Variants in CLPB observed in about 807,000 individuals in gnomAD.
CLPB encodes the protein ClpB family mitochondrial disaggregase.
In CLPB, 40 loss-of-function variants were observed where a neutral mutation model predicts 78.4. The observed-to-expected ratio is 0.51, with a 90% CI of 0.40 to 0.66. The LOEUF is 0.66. Among genes scored for constraint, CLPB ranks in the 30% least tolerant of loss-of-function variants. CLPB has a pLI of 0.00. For missense variants in CLPB, 780 were observed against 886.9 expected (o/e 0.88, Z 1.53); for synonymous variants, 333 against 348.0 (o/e 0.96, Z 0.48).
At position 72,286,233 on chromosome 11, in the gene CLPB, T is replaced by TTTTTTTTTTTTTTG. The variant is rs1949388956; in HGVS notation, c.*7133_*7134insCAAAAAAAAAAAAA. The TTTTTTTTTTTTTTG allele has an allele frequency of 1.5e-5, 2 of 135,216 alleles. No homozygotes were observed. Among genetic ancestry groups the TTTTTTTTTTTTTTG allele is most frequent in the African/African-American group, 2.9e-5 (1 of 34,888 alleles). 8.4% of individuals were successfully genotyped at this position (135,216 alleles called of 1,614,324 possible). On this transcript the variant is annotated 3_prime_UTR_variant, in exon 16 of 16. Coordinates refer to ENST00000538039, the MANE Select transcript of CLPB (RefSeq NM_001258392.3). The stretch of plus-strand genomic sequence containing the variant: ...TGAGATACTGCACCTGTTTTTTTTT[T>TTTTTTTTTTTTTTG]TTTTTTTTTTTTTAAGAGATAGGGT...
intron 8 of CLPB, 62 bp downstream of exon 8, chr11:72,308,465 C>CA (rs1949783749): frequency 8.7e-6 from 13 of 1,486,230 alleles, no homozygotes; most frequent in Non-Finnish European, 1.2e-5. Flanking sequence ...CTGGGGCTGT[C>CA]AGACTTGGGC....
intron 5 of CLPB, among the ~76,000 whole-genome samples, chr11:72,341,634 C>G (rs1366386612): frequency 6.6e-6 from 1 of 152,176 alleles, no homozygotes; most frequent in East Asian, 1.9e-4. Context: ...AAAAACTATG[C>G]TAGGTAGTGA....
chr11:72,385,987 G>A (rs1196307936), intron 3 of CLPB, among the ~76,000 whole-genome samples: 1 of 152,070 alleles, frequency 6.6e-6, no homozygotes, highest in Non-Finnish European at 1.5e-5. Context: ...AAATTCATAT[G>A]AGATAAAATT....
chr11:72,293,167 A>G lies in CLPB; in HGVS notation c.*200T>C, dbSNP rs1949480447. The G allele has an allele frequency of 1.6e-6, 1 of 624,744 alleles. No homozygotes were observed. The highest frequency in any genetic ancestry group is 1.8e-5 in the African/African-American group (1 of 54,388). The allele number at this position is 624,744 out of a possible 1,614,324, so 38.7% of individuals were successfully genotyped here. ...CTTGTTAGCAGGTTATGGGCCCACA[A>G]CAAAGGGGCCAGAGTAGGGCGAAAT... is the stretch of plus-strand genomic sequence containing the variant. On this transcript the variant is annotated 3_prime_UTR_variant, in exon 16 of 16. Coordinates refer to ENST00000538039, the MANE Select transcript of CLPB (RefSeq NM_001258392.3).
intron 3 of CLPB, among the ~76,000 whole-genome samples, chr11:72,395,419 A>T (rs531296241): frequency 6.6e-6 from 1 of 152,296 alleles, no homozygotes; most frequent in East Asian, 1.9e-4. Flanking sequence ...TGGGGTTCAG[A>T]AAGACCCAGC....
intron 6 of CLPB, among the ~76,000 whole-genome samples, chr11:72,327,977 G>A (rs1340220216): frequency 6.6e-6 from 1 of 152,080 alleles, no homozygotes; most frequent in African/African-American, 2.4e-5. Context: ...AAAATACCAG[G>A]GAGGCAAACT....
intron 5 of CLPB, among the ~76,000 whole-genome samples, chr11:72,347,383 G>A (rs930623308): frequency 3.9e-5 from 6 of 152,126 alleles, no homozygotes; most frequent in Admixed American, 3.3e-4. Flanking sequence ...CTTGAGCCCA[G>A]GAATTAGAGA....
At chr11:72,321,499 C>T (rs1181236752) in intron 6 of CLPB, among the ~76,000 whole-genome samples, 4 of 152,180 alleles carry the variant, frequency 2.6e-5, no homozygotes, top group Non-Finnish European at 2.9e-5. Context: ...AGTGCATTTA[C>T]AGGAAAGGGC....
chr11:72,308,260 C>T (rs1590773067), intron 8 of CLPB, among the ~76,000 whole-genome samples: 1 of 152,200 alleles, frequency 6.6e-6, no homozygotes. Flanking sequence ...GGTTAATGGG[C>T]CCTGAAGGGC....
chr11:72,319,560 CTCAACT>C (rs1415012198), intron 6 of CLPB, among the ~76,000 whole-genome samples: 1 of 152,220 alleles, frequency 6.6e-6, no homozygotes, highest in Non-Finnish European at 1.5e-5. Context: ...GAGTTCACCC[CTCAACT>C]TCATCTACTT....
At chr11:72,429,958 TG>T (rs1856497829) in intron 2 of CLPB, among the ~76,000 whole-genome samples, 1 of 152,178 alleles carries the variant, frequency 6.6e-6, no homozygotes, top group Non-Finnish European at 1.5e-5. Context: ...ACCTGCAACC[TG>T]TCCAGGCAGC....
chr11:72,297,793 T>C (rs1431982169), intron 11 of CLPB, among the ~76,000 whole-genome samples: 2 of 151,990 alleles, frequency 1.3e-5, no homozygotes, highest in Non-Finnish European at 2.9e-5. Flanking sequence ...CACACTGCTA[T>C]ACTGGCCAGA....
intron 2 of CLPB, among the ~76,000 whole-genome samples, chr11:72,427,041 A>C (rs772519580): frequency 6.6e-6 from 1 of 152,272 alleles, no homozygotes. Context: ...AGGCTCTGTA[A>C]GGAAAGCAGC....
intron 1 of CLPB, among the ~76,000 whole-genome samples, chr11:72,432,567 T>C (rs1856577352): frequency 1.3e-5 from 2 of 152,200 alleles, no homozygotes; most frequent in South Asian, 4.1e-4. Context: ...ACTGATTTTG[T>C]GTTAAGTTAG....
intron 3 of CLPB, among the ~76,000 whole-genome samples, chr11:72,396,656 C>G (rs1323063637): frequency 6.6e-6 from 1 of 152,188 alleles, no homozygotes; most frequent in Non-Finnish European, 1.5e-5. Context: ...GTGAATTTAT[C>G]ACTATTCATC....
intron 5 of CLPB, among the ~76,000 whole-genome samples, chr11:72,349,916 A>T (rs1950583553): frequency 6.6e-6 from 1 of 152,252 alleles, no homozygotes; most frequent in Admixed American, 6.5e-5. Context: ...TCCAGCTGCC[A>T]CTACTGGCGG....
Position 72,294,091 on chromosome 11 carries a change from G to A in CLPB, c.1716C>T (p.Asp572=), listed in dbSNP as rs1238364472. 2 of 1,614,176 alleles carry A rather than the reference G, an allele frequency of 1.2e-6. No homozygotes were observed. Among genetic ancestry groups the A allele is most frequent in the East Asian group, 4.5e-5 (2 of 44,866 alleles). ...CGACCAGCACATCTGCCACCTCGCG[G>A]TCCCAGAGCAGCGTGATGTTGTGCC... ...KQRHNITLLW[D]REVADVLVDG... is the part of the protein sequence containing the mutation. Residue 572 remains aspartate (D), a synonymous_variant, in exon 15 of 16, where the codon GAC becomes GAT. Coordinates refer to ENST00000538039, the MANE Select transcript of CLPB (RefSeq NM_001258392.3).
At chr11:72,427,028 A>G (rs756851175) in intron 2 of CLPB, among the ~76,000 whole-genome samples, 4 of 152,262 alleles carry the variant, frequency 2.6e-5, no homozygotes, top group Non-Finnish European at 5.9e-5. Flanking sequence ...GAGGAATCCA[A>G]GAAGGCTCTG....
intron 2 of CLPB, among the ~76,000 whole-genome samples, chr11:72,425,291 A>G (rs1417806567): frequency 6.6e-6 from 1 of 152,016 alleles, no homozygotes; most frequent in Admixed American, 6.5e-5. Flanking sequence ...GACTGTGCCA[A>G]TCTTGTTCGT....
Sources: gnomAD v4.1 joint callset for allele counts (sites outside exome capture counted in the v4.1 genomes callset) on GRCh38, gnomAD v4.1.1 for gene constraint, MANE v1.5 for transcripts, NCBI Gene and HGNC (gene_info 2026-07-23, HGNC 2026-07-21) for gene names.